The following PDS5A variants were observed in gnomAD, a reference collection of about 807,000 sequenced individuals.
PDS5A encodes PDS5 cohesin associated factor A, also known as sister chromatid cohesion protein PDS5 homolog A.
PDS5A carries 42 observed loss-of-function variants against 167.1 expected under a neutral mutation model. The ratio of observed to expected loss-of-function variants is 0.25; its 90% CI spans 0.20 to 0.33. PDS5A has a LOEUF of 0.33. PDS5A is among the 10% of genes least tolerant of loss of function. The pLI, the probability that PDS5A is intolerant of heterozygous loss-of-function variation, is 1.00. For missense variants in PDS5A, 1,033 were observed against 1,605.9 expected, an observed-to-expected ratio of 0.64 and a Z score of 6.10; for synonymous variants, 553 against 554.6, an observed-to-expected ratio of 1.00 and a Z score of 0.04.
At chr4:39,842,907 T>TATATATATATATATATATATATA (rs1560419555) in intron 30 of PDS5A, among the ~76,000 whole-genome samples, 34 of 28,412 alleles carry the variant, frequency 1.2e-3, no homozygotes, top group South Asian at 4.0e-3. Context: ...CTTATCCTAT[T>TATATATATATATATATATATATA]TTTATATATA....
intron 30 of PDS5A, 60 bp downstream of exon 30, chr4:39,844,596 G>A (rs999580351): frequency 1.3e-5 from 18 of 1,337,334 alleles, no homozygotes; most frequent in Admixed American, 2.1e-5. Flanking sequence ...AGCACTTTAG[G>A]AATAAAAGAT....
At chr4:39,976,274 C>A in intron 2 of PDS5A, 166 bp downstream of exon 2, 1 of 499,140 alleles carries the variant, frequency 2.0e-6, no homozygotes, top group Non-Finnish European at 3.6e-6. Context: ...TGGTTATATC[C>A]CTACAAAACT....
intron 5 of PDS5A, among the ~76,000 whole-genome samples, chr4:39,923,360 A>G (rs544637644): frequency 2.0e-5 from 3 of 151,208 alleles, no homozygotes; most frequent in African/African-American, 7.3e-5. Flanking sequence ...AAAAAAAAGG[A>G]AAAGGAAAAA....
intron 12 of PDS5A, among the ~76,000 whole-genome samples, chr4:39,902,792 G>A (rs1246502143): frequency 5.9e-5 from 9 of 152,054 alleles, no homozygotes. Context: ...TGAAGTGCTG[G>A]GATTACGACG....
chr4:39,973,720 C>T (rs1324421001), intron 2 of PDS5A: 3 of 1,281,820 alleles, frequency 2.3e-6, no homozygotes, highest in Non-Finnish European at 3.4e-6. Context: ...CTTCACTAAC[C>T]AGCATATGCA....
chr4:39,971,115 CGCT>C, intron 2 of PDS5A, among the ~76,000 whole-genome samples: 1 of 150,392 alleles, frequency 6.6e-6, no homozygotes, highest in East Asian at 1.9e-4. Flanking sequence ...GACCAAACAC[CGCT>C]GAATTCCTTT....
chr4:39,888,170 TG>T (rs35529419), intron 17 of PDS5A, among the ~76,000 whole-genome samples: 1 of 134,194 alleles, frequency 7.5e-6, no homozygotes, highest in Non-Finnish European at 1.5e-5. Context: ...TGCGTGAACC[TG>T]GGAGGTGAAG....
rs1026879549 is a variant in PDS5A, at chr4:39,904,019, C to A, written c.1385+21G>T. On this transcript the variant is annotated intron_variant, in intron 12 of 32. Transcript: ENST00000303538. ...AAAAGTAGTTTTACACTCAACCATT[C>A]TACCAACATATTAAACTCACTTGTC... 11 of 1,516,152 alleles carry A rather than the reference C, an allele frequency of 7.3e-6. No homozygotes were observed. The African/African-American group carries it at 1.5e-4, about 21-fold the overall frequency. 93.9% of individuals were successfully genotyped at this position (1,516,152 alleles called of 1,614,324 possible). A position where few individuals can be genotyped will look rare whatever the true frequency, so the allele number is the denominator to read the frequency against.
intron 31 of PDS5A, among the ~76,000 whole-genome samples, chr4:39,838,459 C>T (rs1435712109): frequency 3.9e-5 from 6 of 152,186 alleles, no homozygotes; most frequent in Admixed American, 2.0e-4. Context: ...CAGTGGCTCA[C>T]GCCTGTAATC....
intron 2 of PDS5A, among the ~76,000 whole-genome samples, chr4:39,938,502 C>G (rs1384321618): frequency 6.6e-6 from 1 of 151,564 alleles, no homozygotes; most frequent in African/African-American, 2.4e-5. Flanking sequence ...TGTAGTGAGC[C>G]AAGATCGTGC....
At chr4:39,890,157 T>C (rs1721838756) in intron 17 of PDS5A, 92 bp downstream of exon 17, 1 of 669,934 alleles carries the variant, frequency 1.5e-6, no homozygotes, top group Non-Finnish European at 2.6e-6. Flanking sequence ...TACAGAGGTT[T>C]TCAGGTATCT....
At chr4:39,888,044 G>C (rs1721633343) in intron 17 of PDS5A, among the ~76,000 whole-genome samples, 1 of 152,052 alleles carries the variant, frequency 6.6e-6, no homozygotes, top group Non-Finnish European at 1.5e-5. Flanking sequence ...GAGGTCAAGA[G>C]ATTGAGACCA....
At chr4:39,931,819 T>C (rs1003083324) in intron 2 of PDS5A, among the ~76,000 whole-genome samples, 1 of 151,894 alleles carries the variant, frequency 6.6e-6, no homozygotes, top group Non-Finnish European at 1.5e-5. Context: ...TTGGAGGCTA[T>C]GATACAATGC....
At chr4:39,878,767 G>A (rs560786534) in intron 18 of PDS5A, among the ~76,000 whole-genome samples, 8 of 149,778 alleles carry the variant, frequency 5.3e-5, no homozygotes, top group Admixed American at 3.3e-4. Flanking sequence ...TTTCTTTTTC[G>A]ACAGTCTCAC....
chr4:39,970,066 G>A (rs1730356879), intron 2 of PDS5A, among the ~76,000 whole-genome samples: 1 of 151,430 alleles, frequency 6.6e-6, no homozygotes, highest in South Asian at 2.1e-4. Flanking sequence ...TGGTCAGACT[G>A]GTCTCGAACT....
chr4:39,967,946 A>C (rs1290590046), intron 2 of PDS5A, among the ~76,000 whole-genome samples: 6 of 152,066 alleles, frequency 3.9e-5, no homozygotes, highest in South Asian at 2.1e-4. Flanking sequence ...AACAAAAAAA[A>C]CACCAATAAT....
At chr4:39,972,910 GT>G (rs138532599) in intron 2 of PDS5A, among the ~76,000 whole-genome samples, 29,494 of 151,338 alleles carry the variant, frequency 0.19, 3,360 homozygotes, top group South Asian at 0.27. Context: ...TTTTTGTGGG[GT>G]TTTTTTTGTT....
At chr4:39,957,091 G>A (rs1251999028) in intron 2 of PDS5A, among the ~76,000 whole-genome samples, 1 of 151,960 alleles carries the variant, frequency 6.6e-6, no homozygotes, top group Non-Finnish European at 1.5e-5. Flanking sequence ...TCACACACAA[G>A]GAATCCACCT....
chr4:39,952,186 C>T (rs1339562539), intron 2 of PDS5A, among the ~76,000 whole-genome samples: 1 of 151,952 alleles, frequency 6.6e-6, no homozygotes, highest in African/African-American at 2.4e-5. Flanking sequence ...AAAAAAACAG[C>T]CGGGTATGGT....
Sources: gnomAD v4.1 joint callset for allele counts (sites outside exome capture counted in the v4.1 genomes callset) on GRCh38, gnomAD v4.1.1 for gene constraint, MANE v1.5 for transcripts, NCBI Gene and HGNC (gene_info 2026-07-23, HGNC 2026-07-21) for gene names.